Variants in FGF12 observed in about 807,000 individuals in gnomAD.
FGF12 encodes fibroblast growth factor 12.
A neutral mutation model predicts 23.6 loss-of-function variants in FGF12; 14 were observed. The ratio of observed to expected loss-of-function variants is 0.59; its 90% CI spans 0.39 to 0.93. The LOEUF (loss-of-function observed/expected upper bound fraction) is 0.93, where lower values mean the gene tolerates loss of function less well. Among genes scored for constraint, FGF12 ranks in the 40% least tolerant of loss-of-function variants. FGF12 has a pLI of 0.00. For synonymous variants in FGF12, 62 were observed against 77.3 expected (o/e 0.80, Z 1.04); for missense variants, 175 against 217.8 (o/e 0.80, Z 1.24).
intron 2 of FGF12, among the ~76,000 whole-genome samples, chr3:192,646,027 A>T (rs1715994149): frequency 1.3e-5 from 2 of 152,100 alleles, no homozygotes; most frequent in Non-Finnish European, 2.9e-5. Flanking sequence ...AGGGTTAGCT[A>T]AGAAAAATCA....
At chr3:192,552,784 C>T (rs570483786) in intron 2 of FGF12, among the ~76,000 whole-genome samples, 37 of 151,912 alleles carry the variant, frequency 2.4e-4, no homozygotes, top group African/African-American at 8.4e-4. Context: ...CCAGCTACTC[C>T]GGAGGCTGAG....
chr3:192,158,212 G>A (rs113697228), intron 5 of FGF12, among the ~76,000 whole-genome samples: 38 of 152,122 alleles, frequency 2.5e-4, no homozygotes, highest in Admixed American at 2.0e-4. Context: ...CTCATGCTTC[G>A]CAAGTTACTT....
chr3:192,226,868 T>C (rs893787621), intron 4 of FGF12, among the ~76,000 whole-genome samples: 1 of 152,232 alleles, frequency 6.6e-6, no homozygotes, highest in South Asian at 2.1e-4. Flanking sequence ...TACATATATA[T>C]ATACTTCAAA....
rs2710784 is a variant in FGF12, at chr3:192,405,691, C to G, written c.14-45153G>C. 4.4e-3 allele frequency among the ~76,000 whole-genome samples: 674 copies of G among 152,302 alleles called. 5 individuals are homozygous for G. Among genetic ancestry groups the G allele is most frequent in the Middle Eastern group, 0.017 (5 of 294 alleles). On this transcript the variant is annotated intron_variant, in intron 2 of 5. Transcript: ENST00000445105. ...TTTCTTTTTGGTGTTTAGCAACTTC[C>G]TCCCAATCCAACTAAAGATTCTTCT...
At chr3:192,722,841 A>T (rs552138776) in intron 2 of FGF12, among the ~76,000 whole-genome samples, 1 of 152,218 alleles carries the variant, frequency 6.6e-6, no homozygotes. Flanking sequence ...TGAAATTGTC[A>T]AGTTCAGAGA....
At chr3:192,525,292 A>AAAT (rs1162294173) in intron 2 of FGF12, among the ~76,000 whole-genome samples, 1 of 152,204 alleles carries the variant, frequency 6.6e-6, no homozygotes, top group African/African-American at 2.4e-5. Flanking sequence ...TATTTCAAAA[A>AAAT]AATAATAATA....
intron 2 of FGF12, among the ~76,000 whole-genome samples, chr3:192,471,717 G>C (rs1387480303): frequency 6.6e-6 from 1 of 152,178 alleles, no homozygotes; most frequent in Non-Finnish European, 1.5e-5. Flanking sequence ...GGGATATTCT[G>C]AGCCATGGCT....
At chr3:192,388,452 TTTTTA>T (rs1720147760) in intron 2 of FGF12, among the ~76,000 whole-genome samples, 1 of 152,196 alleles carries the variant, frequency 6.6e-6, no homozygotes, top group African/African-American at 2.4e-5. Flanking sequence ...TGTTAGGTGC[TTTTTA>T]TTTATTTTTT....
At chr3:192,534,798 T>A (rs1725186317) in intron 2 of FGF12, among the ~76,000 whole-genome samples, 1 of 152,186 alleles carries the variant, frequency 6.6e-6, no homozygotes, top group Non-Finnish European at 1.5e-5. Flanking sequence ...TAATTTTGAA[T>A]AAAATCATTT....
chr3:192,415,939 C>T (rs1721339787), intron 2 of FGF12, among the ~76,000 whole-genome samples: 2 of 151,060 alleles, frequency 1.3e-5, no homozygotes, highest in African/African-American at 2.4e-5. Flanking sequence ...CACTGAGATT[C>T]TTTCTCCATG....
intron 2 of FGF12, among the ~76,000 whole-genome samples, chr3:192,538,569 T>C (rs1265891339): frequency 6.6e-6 from 1 of 152,232 alleles, no homozygotes; most frequent in Non-Finnish European, 1.5e-5. Flanking sequence ...TCTAGTTTTG[T>C]TCTTTTTGCA....
At chr3:192,401,121 A>G (rs187504711) in intron 2 of FGF12, among the ~76,000 whole-genome samples, 92 of 152,370 alleles carry the variant, frequency 6.0e-4, no homozygotes, top group Admixed American at 3.5e-3. Flanking sequence ...AAATAGCATG[A>G]TTTAATAAAA....
chr3:192,291,139 G>C (rs1018485903), intron 4 of FGF12, among the ~76,000 whole-genome samples: 1 of 151,998 alleles, frequency 6.6e-6, no homozygotes, highest in Non-Finnish European at 1.5e-5. Context: ...ATTATCTTCT[G>C]GTGATTTACT....
chr3:192,647,689 A>ATGTG (rs1560180780), intron 2 of FGF12, among the ~76,000 whole-genome samples: 72 of 147,634 alleles, frequency 4.9e-4, no homozygotes, highest in Middle Eastern at 3.6e-3. Flanking sequence ...ATATACATAT[A>ATGTG]TATGTATATA....
At chr3:192,719,564 C>T (rs1327280795) in intron 2 of FGF12, among the ~76,000 whole-genome samples, 2 of 151,376 alleles carry the variant, frequency 1.3e-5, no homozygotes, top group African/African-American at 4.9e-5. Context: ...CTTTTAAATC[C>T]CAGAAGAAAG....
intron 2 of FGF12, among the ~76,000 whole-genome samples, chr3:192,503,757 C>T (rs550607514): frequency 3.2e-4 from 49 of 151,962 alleles, no homozygotes; most frequent in African/African-American, 1.2e-3. Context: ...AGGCGCCCGC[C>T]ACCACGCCCG....
At chr3:192,517,237 CA>C (rs1346149871) in intron 2 of FGF12, among the ~76,000 whole-genome samples, 1 of 152,188 alleles carries the variant, frequency 6.6e-6, no homozygotes, top group African/African-American at 2.4e-5. Context: ...AAGGTTGTGG[CA>C]AGAGTTCAAT....
chr3:192,595,334 A>C (rs1436045121), intron 2 of FGF12, among the ~76,000 whole-genome samples: 1 of 152,218 alleles, frequency 6.6e-6, no homozygotes. Flanking sequence ...TAGAATAATC[A>C]CTAGCTGCTC....
chr3:192,618,033 G>A (rs931446614), intron 2 of FGF12, among the ~76,000 whole-genome samples: 1 of 151,884 alleles, frequency 6.6e-6, no homozygotes, highest in East Asian at 1.9e-4. Context: ...AAGAATTGAG[G>A]TTGACTAACA....
Sources: allele counts gnomAD v4.1 joint callset (sites outside exome capture counted in the v4.1 genomes callset), GRCh38; gene constraint gnomAD v4.1.1; transcripts MANE v1.5; gene names NCBI Gene and HGNC (gene_info 2026-07-23, HGNC 2026-07-21).